The following PLCL1 variants were observed in gnomAD, a reference collection of about 807,000 sequenced individuals.
PLCL1 encodes the protein inactive phospholipase C-like protein 1.
In PLCL1, 41 loss-of-function variants were observed where a neutral mutation model predicts 84.4. The observed-to-expected ratio is 0.49, with a 90% CI of 0.38 to 0.63. The LOEUF (loss-of-function observed/expected upper bound fraction) is 0.63, where lower values mean the gene tolerates loss of function less well. Ranked by LOEUF, PLCL1 falls within the 30% of genes least tolerant of loss-of-function variation. PLCL1 has a pLI of 0.00. For synonymous variants in PLCL1, 490 were observed against 488.3 expected (o/e 1.00, Z -0.05); for missense variants, 1,206 against 1,367.8 (o/e 0.88, Z 1.87).
rs142135700 is a variant in PLCL1, at chr2:198,117,386, A to G, written c.3105+13450A>G. Among the ~76,000 whole-genome samples, 384 of 147,658 alleles carry G rather than the reference A, an allele frequency of 2.6e-3. 1 individual carries two copies. Among genetic ancestry groups the G allele is most frequent in the African/African-American group, 9.2e-3 (370 of 40,068 alleles). ...GGGCTTCACTTTTTTGTAAGCAAAG[A>G]TATATAGAAAGGGAAGGTTGAATGT... On this transcript the variant is annotated intron_variant, in intron 5 of 5. Transcript: ENST00000428675.
At chr2:198,028,155 A>AT (rs1280055834) in intron 1 of PLCL1, among the ~76,000 whole-genome samples, 7 of 152,164 alleles carry the variant, frequency 4.6e-5, no homozygotes, top group African/African-American at 1.7e-4. Context: ...ACTTTGAATC[A>AT]TTTTTACAGC....
chr2:197,958,982 G>A (rs1487987491), intron 1 of PLCL1, among the ~76,000 whole-genome samples: 2 of 151,968 alleles, frequency 1.3e-5, no homozygotes, highest in Admixed American at 6.6e-5. Flanking sequence ...TTGGGGAGCT[G>A]CCAAGATATA....
At chr2:197,935,272 C>T (rs1330431600) in intron 1 of PLCL1, among the ~76,000 whole-genome samples, 1 of 151,928 alleles carries the variant, frequency 6.6e-6, no homozygotes, top group Non-Finnish European at 1.5e-5. Flanking sequence ...CTGTATACAC[C>T]CAAAGGAATA....
intron 5 of PLCL1, among the ~76,000 whole-genome samples, chr2:198,128,696 C>T (rs868566064): frequency 6.6e-6 from 1 of 152,080 alleles, no homozygotes; most frequent in African/African-American, 2.4e-5. Context: ...ACTCCTAAAC[C>T]ATAATTTCTA....
At chr2:197,853,113 A>G (rs554159874) in intron 1 of PLCL1, among the ~76,000 whole-genome samples, 69 of 152,186 alleles carry the variant, frequency 4.5e-4, no homozygotes, top group Non-Finnish European at 7.9e-4. Flanking sequence ...ATGGAATCGT[A>G]CAATATTTGT....
chr2:197,897,206 T>TCTTCTTCC lies in PLCL1; in HGVS notation c.240+91867_240+91868insCTTCTTCC, dbSNP rs1553500740. On this transcript the variant is annotated intron_variant, in intron 1 of 5. Coordinates refer to ENST00000428675, the MANE Select transcript of PLCL1 (RefSeq NM_006226.4). ...TTCTTCTTCTCCTTCTCCTTCTTCT[T>TCTTCTTCC]TCTTCTTCCTCTTCTTCCTCTTCTT... 1.8e-4 allele frequency among the ~76,000 whole-genome samples: 13 copies of TCTTCTTCC among 71,804 alleles called. 1 individual carries two copies. Among genetic ancestry groups the TCTTCTTCC allele is most frequent in the Non-Finnish European group, 2.8e-4 (10 of 36,218 alleles). 47.1% of individuals were successfully genotyped at this position (71,804 alleles called of 152,430 possible). A position where few individuals can be genotyped will look rare whatever the true frequency, so the allele number is the denominator to read the frequency against.
chr2:197,852,351 G>C (rs1687255357), intron 1 of PLCL1, among the ~76,000 whole-genome samples: 1 of 152,142 alleles, frequency 6.6e-6, no homozygotes. Context: ...GCTCTAGATT[G>C]TCATCTGATT....
chr2:197,958,741 T>G (rs898525453), intron 1 of PLCL1, among the ~76,000 whole-genome samples: 5 of 151,986 alleles, frequency 3.3e-5, no homozygotes, highest in African/African-American at 1.2e-4. Flanking sequence ...TTTACACCCT[T>G]ACCTCATTCA....
chr2:198,039,335 C>T (rs556249054), intron 1 of PLCL1, among the ~76,000 whole-genome samples: 2 of 152,224 alleles, frequency 1.3e-5, no homozygotes, highest in African/African-American at 4.8e-5. Context: ...ATTTTTGATA[C>T]CTGTAGACGT....
chr2:197,862,700 T>A (rs1337135818), intron 1 of PLCL1, among the ~76,000 whole-genome samples: 1 of 152,130 alleles, frequency 6.6e-6, no homozygotes, highest in East Asian at 1.9e-4. Flanking sequence ...TAGAAAAGAA[T>A]GGTTTTCTAA....
intron 3 of PLCL1, among the ~76,000 whole-genome samples, chr2:198,098,494 A>G (rs1353362504): frequency 2.6e-5 from 4 of 152,176 alleles, no homozygotes; most frequent in African/African-American, 9.7e-5. Flanking sequence ...CTCCTCAAGA[A>G]TGCCTAGATT....
At chr2:197,836,080 T>G (rs970354956) in intron 1 of PLCL1, among the ~76,000 whole-genome samples, 1 of 152,214 alleles carries the variant, frequency 6.6e-6, no homozygotes, top group African/African-American at 2.4e-5. Context: ...TTTTTTTGGC[T>G]GTTGCCAGTA....
At chr2:198,120,494 AC>A (rs1234222974) in intron 5 of PLCL1, among the ~76,000 whole-genome samples, 1 of 151,902 alleles carries the variant, frequency 6.6e-6, no homozygotes, top group Non-Finnish European at 1.5e-5. Flanking sequence ...GCCTCTAGTA[AC>A]CATCCTTCTA....
chr2:197,991,733 T>C (rs1274355913), intron 1 of PLCL1, among the ~76,000 whole-genome samples: 2 of 152,158 alleles, frequency 1.3e-5, no homozygotes, highest in African/African-American at 2.4e-5. Context: ...GAGCCCTCAT[T>C]AGTGGGAGAT....
intron 1 of PLCL1, among the ~76,000 whole-genome samples, chr2:197,897,152 T>C (rs539117833): frequency 0.016 from 518 of 32,984 alleles, 2 homozygotes; most frequent in African/African-American, 0.024. Context: ...TTCTTCTTCT[T>C]CTTCTTCTTC....
chr2:197,856,835 A>G (rs190411880), intron 1 of PLCL1, among the ~76,000 whole-genome samples: 189 of 152,326 alleles, frequency 1.2e-3, no homozygotes, highest in African/African-American at 4.2e-3. Flanking sequence ...TATTACCTAC[A>G]ATATTCTTCA....
At chr2:198,102,431 T>C (rs1026017151) in intron 4 of PLCL1, among the ~76,000 whole-genome samples, 1 of 152,040 alleles carries the variant, frequency 6.6e-6, no homozygotes, top group African/African-American at 2.4e-5. Context: ...CTATGTGCTA[T>C]GTTTGTGATG....
At chr2:197,981,121 C>G (rs887637178) in intron 1 of PLCL1, among the ~76,000 whole-genome samples, 3 of 152,184 alleles carry the variant, frequency 2.0e-5, no homozygotes, top group Admixed American at 2.0e-4. Flanking sequence ...CACTAGCCTT[C>G]AAATACTCTA....
At chr2:198,059,848 A>G (rs1040914573) in intron 1 of PLCL1, among the ~76,000 whole-genome samples, 14 of 152,180 alleles carry the variant, frequency 9.2e-5, no homozygotes, top group African/African-American at 3.4e-4. Context: ...TGTTGCAGGA[A>G]TTCCGTCGAT....
Sources: allele counts gnomAD v4.1 joint callset (sites outside exome capture counted in the v4.1 genomes callset), GRCh38; gene constraint gnomAD v4.1.1; transcripts MANE v1.5; gene names NCBI Gene and HGNC (gene_info 2026-07-23, HGNC 2026-07-21).